Variants in TMEM198 observed in about 807,000 individuals in gnomAD.
The protein encoded by TMEM198 is transmembrane protein 198.
Under a neutral mutation model 31.5 loss-of-function variants are expected in TMEM198, and 21 were observed. The ratio of observed to expected loss-of-function variants is 0.67; its 90% CI spans 0.47 to 0.96. The LOEUF (loss-of-function observed/expected upper bound fraction) is 0.96, where lower values mean the gene tolerates loss of function less well. TMEM198 is among the 40% of genes least tolerant of loss of function. TMEM198 has a pLI of 0.00. For synonymous variants in TMEM198, 211 were observed against 223.3 expected (o/e 0.95, Z 0.49); for missense variants, 447 against 499.4 (o/e 0.89, Z 1.00).
Position 219,547,999 on chromosome 2 carries a change from G to A in TMEM198, c.660G>A (p.Leu220=), listed in dbSNP as rs571194164. Residue 220 remains leucine (L), a synonymous_variant, in exon 3 of 5, where the codon CTG becomes CTA. Coordinates refer to ENST00000373883, the MANE Select transcript of TMEM198 (RefSeq NM_001005209.3). Reference sequence around the variant, plus strand: ...CACTCTGCTGGCGAAGCTGGGCCCTGCTGGCACTCTGGCCCCTGCTCAGCC... The same window carrying A: ...CACTCTGCTGGCGAAGCTGGGCCCTACTGGCACTCTGGCCCCTGCTCAGCC... ...VPPLCWRSWA[L]LALWPLLSLM... is the part of the protein sequence containing the mutation. The A allele has an allele frequency of 1.3e-6, 2 of 1,588,980 alleles. No individual in the cohort carries two copies. The highest frequency in any genetic ancestry group is 1.1e-5 in the South Asian group (1 of 88,538).
chr2:219,544,514 G>A (rs1187314830), intron 1 of TMEM198, 137 bp downstream of exon 1: 2 of 616,782 alleles, frequency 3.2e-6, no homozygotes, highest in Admixed American at 5.6e-5. Context: ...CACTAGCCAG[G>A]CACTTTTGTT....
In TMEM198 at chr2:219,544,853, C is replaced by T; in HGVS notation, c.126C>T (p.Cys42=). ...RRYQALPALV[C]IMCCLFGVVY... ...ACCAGGCACTGCCGGCCCTCGTCTGCATCATGTGCTGTTTGTTTGGAGTCG... is the reference window on the plus strand; with the variant it reads ...ACCAGGCACTGCCGGCCCTCGTCTGTATCATGTGCTGTTTGTTTGGAGTCG... The change falls in exon 2 of 5, where the codon TGC becomes TGT. Residue 42 remains cysteine, a synonymous_variant. Transcript: ENST00000373883. 6.2e-7 allele frequency: 1 copy of T among 1,614,244 alleles called. No homozygotes were observed. Among genetic ancestry groups the T allele is most frequent in the Non-Finnish European group, 8.5e-7 (1 of 1,180,044 alleles).
rs951980082 is a variant in TMEM198, at chr2:219,547,934, C to T, written c.595C>T (p.Arg199Cys). 5.0e-6 allele frequency: 8 copies of T among 1,594,904 alleles called. No homozygotes were observed. Among genetic ancestry groups the T allele is most frequent in the Admixed American group, 1.7e-5 (1 of 59,194 alleles). Residue 199 changes from arginine (R) to cysteine (C), a missense_variant, in exon 3 of 5, where the codon CGC becomes TGC. Coordinates refer to ENST00000373883, the MANE Select transcript of TMEM198 (RefSeq NM_001005209.3). ...DYFAELLLLG[R>C]YVVERLRAAP... ...CTTCGCCGAGCTGCTACTGCTGGGG[C>T]GCTACGTGGTGGAGCGACTCCGGGC...
In TMEM198 at chr2:219,549,957, G is replaced by A. The variant is rs1412794592; in HGVS notation, c.*103G>A. On this transcript the variant is annotated 3_prime_UTR_variant, in exon 5 of 5. Coordinates refer to ENST00000373883, the MANE Select transcript of TMEM198 (RefSeq NM_001005209.3). ...CTGGCTTTGGCTGTCCCTCTCCCCA[G>A]CCTGGAGAGGGCTGGCCTGGTCACT... 2 of 1,461,326 alleles carry A rather than the reference G, an allele frequency of 1.4e-6. No homozygotes were observed. Among genetic ancestry groups the A allele is most frequent in the East Asian group, 2.3e-5 (1 of 43,606 alleles). The allele number at this position is 1,461,326 out of a possible 1,614,324, so 90.5% of individuals were successfully genotyped here.
At chr2:219,545,993 A>G (rs552062693) in intron 2 of TMEM198, among the ~76,000 whole-genome samples, 1 of 151,846 alleles carries the variant, frequency 6.6e-6, no homozygotes, top group Non-Finnish European at 1.5e-5. Flanking sequence ...CCCCCTCCAT[A>G]TCTGTACCCA....
upstream of TMEM198, chr2:219,543,672 G>A (rs1462288424): frequency 5.2e-6 from 3 of 581,798 alleles, no homozygotes; most frequent in African/African-American, 2.0e-5. Flanking sequence ...CCTCCCCGCA[G>A]AGCAGAGCCA....
In TMEM198 at chr2:219,549,846, C is replaced by A. The variant is rs775266665; in HGVS notation, c.1075C>A (p.Arg359=). The A allele has an allele frequency of 6.2e-7, 1 of 1,613,936 alleles. No individual in the cohort carries two copies. The highest frequency in any genetic ancestry group is 8.5e-7 in the Non-Finnish European group (1 of 1,179,916). ...GACAGCCTGCTCAGGCCCCCCAGTGCGGGTATAGCCATATCTGTCTGTCTA... is the reference window on the plus strand; with the variant it reads ...GACAGCCTGCTCAGGCCCCCCAGTGAGGGTATAGCCATATCTGTCTGTCTA... ...PLTACSGPPV[R]V is the part of the protein sequence containing the mutation. The change falls in exon 5 of 5, where the codon CGG becomes AGG. Residue 359 remains arginine, a synonymous_variant. Coordinates refer to ENST00000373883, the MANE Select transcript of TMEM198 (RefSeq NM_001005209.3).
rs1695430888 is a variant in TMEM198, at chr2:219,548,082, G to A, written c.742+1G>A. 7 of 1,544,114 alleles carry A rather than the reference G, an allele frequency of 4.5e-6. No homozygotes were observed. Among genetic ancestry groups the A allele is most frequent in the Admixed American group, 1.8e-5 (1 of 56,530 alleles). On this transcript the variant is annotated splice_donor_variant, in intron 3 of 4. Transcript: ENST00000373883. LOFTEE classifies it high-confidence loss of function. ...GCTGAGGGGGACTCCCACACGGAAGGTAAGGGGGCACAGGCCAAGGTGGAC... is the reference window on the plus strand; with the variant it reads ...GCTGAGGGGGACTCCCACACGGAAGATAAGGGGGCACAGGCCAAGGTGGAC...
upstream of TMEM198, chr2:219,543,864 G>A (rs540684350): frequency 6.5e-5 from 25 of 382,936 alleles, no homozygotes; most frequent in African/African-American, 4.1e-4. Flanking sequence ...AGAGGGAGGA[G>A]AAGGGGGAGG....
upstream of TMEM198, chr2:219,543,917 G>A (rs1206125463): frequency 5.6e-6 from 2 of 354,582 alleles, no homozygotes; most frequent in Non-Finnish European, 1.1e-5. Flanking sequence ...CCTCAGTGCG[G>A]GAGAGGGAGA....
At chr2:219,543,751 G>A (rs1421717739), upstream of TMEM198, 21 of 458,882 alleles carry the variant, frequency 4.6e-5, no homozygotes, top group East Asian at 5.9e-4. Context: ...GCTGCGCAGG[G>A]TTCTTGCGCT....
Position 219,547,505 on chromosome 2 carries a change from G to A in TMEM198, c.167-1G>A, listed in dbSNP as rs1695414612. 1 of 1,424,570 alleles carries A rather than the reference G, an allele frequency of 7.0e-7. No homozygotes were observed. The highest frequency in any genetic ancestry group is 9.2e-7 in the Non-Finnish European group (1 of 1,084,078). 88.2% of individuals were successfully genotyped at this position (1,424,570 alleles called of 1,614,324 possible). A position where few individuals can be genotyped will look rare whatever the true frequency, so the allele number is the denominator to read the frequency against. ...CCTCACTAGCCCCTGTTCCCCTCCA[G>A]GTTACCGCTGCTTCAAGGCAGTGCT... is the stretch of plus-strand genomic sequence containing the variant. On this transcript the variant is annotated splice_acceptor_variant, in intron 2 of 4. Transcript: ENST00000373883. LOFTEE classifies it high-confidence loss of function.
Position 219,549,923 on chromosome 2 carries a change from C to A in TMEM198, c.*69C>A. 1 of 1,569,796 alleles carries A rather than the reference C, an allele frequency of 6.4e-7. No individual in the cohort carries two copies. Among genetic ancestry groups the A allele is most frequent in the Non-Finnish European group, 8.7e-7 (1 of 1,150,422 alleles). ...CTCGAGGAGGCCTGCTAGGCTGCCA[C>A]TCAGCCTCCTGGCTTTGGCTGTCCC... On this transcript the variant is annotated 3_prime_UTR_variant, in exon 5 of 5. Transcript: ENST00000373883.
At chr2:219,546,778 C>CTTTTTTTTTTTTTT (rs397987890) in intron 2 of TMEM198, among the ~76,000 whole-genome samples, 21 of 127,250 alleles carry the variant, frequency 1.7e-4, no homozygotes, top group African/African-American at 5.2e-4. Flanking sequence ...TCTCAAGTTT[C>CTTTTTTTTTTTTTT]TTTTTTTTTT....
At chr2:219,549,042 G>A in intron 3 of TMEM198, 110 bp from the exon 4 acceptor site, 3 of 1,249,660 alleles carry the variant, frequency 2.4e-6, no homozygotes, top group Non-Finnish European at 3.4e-6. Context: ...AGGGGTTATG[G>A]ACAAGAGGAA....
chr2:219,549,928 C>A lies in TMEM198; in HGVS notation c.*74C>A, dbSNP rs998089481. The A allele has an allele frequency of 1.3e-6, 2 of 1,566,086 alleles. No individual in the cohort carries two copies. Among genetic ancestry groups the A allele is most frequent in the African/African-American group, 2.7e-5 (2 of 73,898 alleles). On this transcript the variant is annotated 3_prime_UTR_variant, in exon 5 of 5. Transcript: ENST00000373883. ...GGAGGCCTGCTAGGCTGCCACTCAG[C>A]CTCCTGGCTTTGGCTGTCCCTCTCC...
intron 1 of TMEM198, 33 bp downstream of exon 1, chr2:219,544,410 C>T: frequency 1.9e-6 from 1 of 528,776 alleles, no homozygotes; most frequent in Non-Finnish European, 3.7e-6. Context: ...TTGAGCCGCC[C>T]ACAGATGAAT....
intron 2 of TMEM198, among the ~76,000 whole-genome samples, chr2:219,546,783 T>TTTC (rs1695396514): frequency 6.7e-6 from 1 of 149,330 alleles, no homozygotes; most frequent in Non-Finnish European, 1.5e-5. Flanking sequence ...AGTTTCTTTT[T>TTTC]TTTTTTTTTT....
In TMEM198 at chr2:219,544,681, T is replaced by C; in HGVS notation, c.-39-8T>C. ...ACTCCTCCGTGACCCCAACTTTCCC[T>C]CTGTCAGGTTAACTTGGGAGGGTGA... On this transcript the variant is annotated splice_region_variant and splice_polypyrimidine_tract_variant and intron_variant, in intron 1 of 4. Coordinates refer to ENST00000373883, the MANE Select transcript of TMEM198 (RefSeq NM_001005209.3). 2.5e-6 allele frequency: 4 copies of C among 1,597,892 alleles called. No individual in the cohort carries two copies. Among genetic ancestry groups the C allele is most frequent in the Non-Finnish European group, 3.4e-6 (4 of 1,170,226 alleles).
Sources: allele counts gnomAD v4.1 joint callset (sites outside exome capture counted in the v4.1 genomes callset), GRCh38; gene constraint gnomAD v4.1.1; transcripts MANE v1.5; gene names NCBI Gene and HGNC (gene_info 2026-07-23, HGNC 2026-07-21).